Variants in TMEM71 observed in about 807,000 individuals in gnomAD.
TMEM71 encodes the protein transmembrane protein 71.
A neutral mutation model predicts 38.0 loss-of-function variants in TMEM71; 44 were observed. That is an observed-to-expected ratio of 1.16 (90% CI 0.91 to 1.49). TMEM71 has a LOEUF of 1.49. Among genes scored for constraint, TMEM71 ranks in the 40% most tolerant of loss-of-function variants. The pLI is 0.00. For missense variants in TMEM71, 367 were observed against 348.6 expected, an observed-to-expected ratio of 1.05 and a Z score of -0.42; for synonymous variants, 133 against 122.5, an observed-to-expected ratio of 1.09 and a Z score of -0.56.
intron 6 of TMEM71, among the ~76,000 whole-genome samples, chr8:132,725,679 A>G (rs927485145): frequency 1.2e-4 from 18 of 152,366 alleles, no homozygotes; most frequent in African/African-American, 4.1e-4. Context: ...TTCATAGCTT[A>G]GTGAGAAAGA....
At chr8:132,727,082 C>A (rs1288129879) in intron 6 of TMEM71, among the ~76,000 whole-genome samples, 3 of 151,670 alleles carry the variant, frequency 2.0e-5, no homozygotes, top group Non-Finnish European at 4.4e-5. Flanking sequence ...GCCTCAAACT[C>A]CTGACCTCAG....
chr8:132,758,199 G>A (rs1360487454), intron 2 of TMEM71: 7 of 152,192 alleles, frequency 4.6e-5, no homozygotes, highest in Non-Finnish European at 1.0e-4. Context: ...CCAAAGGCGT[G>A]GCAACAGACT....
Position 132,710,503 on chromosome 8 carries a change from A to T in TMEM71, c.*464T>A. 1 of 239,138 alleles carries T rather than the reference A, an allele frequency of 4.2e-6. No individual in the cohort carries two copies. 14.8% of individuals were successfully genotyped at this position (239,138 alleles called of 1,614,324 possible). On this transcript the variant is annotated 3_prime_UTR_variant, in exon 10 of 10. Coordinates refer to ENST00000677595, the MANE Select transcript of TMEM71 (RefSeq NM_001382403.1). ...TTATGTACAAATTGCATTTATTGTT[A>T]TTCAAGTTGTCAGGTTGGTATTAGT...
At chr8:132,731,465 A>G (rs1827449933) in intron 5 of TMEM71, among the ~76,000 whole-genome samples, 1 of 152,102 alleles carries the variant, frequency 6.6e-6, no homozygotes, top group South Asian at 2.1e-4. Context: ...CCATGAAGGG[A>G]CTCCTAAACC....
At chr8:132,761,753 A>G (rs947075695), upstream of TMEM71, among the ~76,000 whole-genome samples, 1 of 152,250 alleles carries the variant, frequency 6.6e-6, no homozygotes, top group Non-Finnish European at 1.5e-5. Flanking sequence ...TGAGGCTTCC[A>G]TCTTGTTGGA....
intron 3 of TMEM71, among the ~76,000 whole-genome samples, chr8:132,756,073 A>G (rs1490915511): frequency 6.6e-6 from 1 of 152,130 alleles, no homozygotes; most frequent in Non-Finnish European, 1.5e-5. Context: ...AAATGAATAT[A>G]TGATCTGTTT....
chr8:132,721,411 C>T (rs1009845011), intron 7 of TMEM71, among the ~76,000 whole-genome samples: 8 of 152,160 alleles, frequency 5.3e-5, no homozygotes, highest in Non-Finnish European at 1.2e-4. Context: ...GCTTTAAACT[C>T]CAGCTATACT....
intron 3 of TMEM71, among the ~76,000 whole-genome samples, chr8:132,754,831 A>G (rs1473505623): frequency 6.6e-6 from 1 of 152,230 alleles, no homozygotes; most frequent in African/African-American, 2.4e-5. Flanking sequence ...TGAATAGTAC[A>G]GGTAGAAATT....
intron 7 of TMEM71, among the ~76,000 whole-genome samples, chr8:132,718,704 C>T (rs1005170272): frequency 1.3e-5 from 2 of 152,162 alleles, no homozygotes; most frequent in Non-Finnish European, 2.9e-5. Context: ...GCCCCCCTAC[C>T]TGGGGATTTT....
chr8:132,706,957 A>G (rs998232784), downstream of TMEM71, among the ~76,000 whole-genome samples: 1 of 149,122 alleles, frequency 6.7e-6, no homozygotes, highest in East Asian at 1.9e-4. Context: ...ATTCAAAACA[A>G]AAAACGATTA....
At chr8:132,766,050 C>T in the TMEM71 span, among the ~76,000 whole-genome samples, 3 of 152,194 alleles carry the variant, frequency 2.0e-5, no homozygotes, top group South Asian at 4.1e-4. Context: ...TCCCAAAATG[C>T]TGGGATTACA....
At chr8:132,774,557 TAA>T in the TMEM71 span, among the ~76,000 whole-genome samples, 1 of 152,246 alleles carries the variant, frequency 6.6e-6, no homozygotes, top group Non-Finnish European at 1.5e-5. Flanking sequence ...AAGATAAATA[TAA>T]GTGACATTTG....
chr8:132,751,085 G>C (rs1022113178), intron 4 of TMEM71, among the ~76,000 whole-genome samples: 3 of 152,004 alleles, frequency 2.0e-5, no homozygotes, highest in African/African-American at 2.4e-5. Flanking sequence ...ATCTTTCTAA[G>C]AATAAATCTG....
chr8:132,767,102 G>A, the TMEM71 span, among the ~76,000 whole-genome samples: 6 of 152,206 alleles, frequency 3.9e-5, no homozygotes, highest in South Asian at 6.2e-4. Flanking sequence ...AATAGGGAAT[G>A]TTCCTTGATA....
chr8:132,764,288 T>TTGTGTGTGTG (rs5895159), upstream of TMEM71, among the ~76,000 whole-genome samples: 214 of 149,162 alleles, frequency 1.4e-3, 1 homozygote, highest in African/African-American at 5.0e-3. Context: ...AACTGGGAGG[T>TTGTGTGTGTG]TGTGTGTGTG....
chr8:132,743,589 C>T (rs1281447104), intron 5 of TMEM71, among the ~76,000 whole-genome samples: 1 of 152,126 alleles, frequency 6.6e-6, no homozygotes, highest in Non-Finnish European at 1.5e-5. Flanking sequence ...TGTTTGAGTT[C>T]ACAACATTCC....
downstream of TMEM71, among the ~76,000 whole-genome samples, chr8:132,708,459 A>G (rs1156313495): frequency 6.6e-6 from 1 of 152,200 alleles, no homozygotes; most frequent in African/African-American, 2.4e-5. Flanking sequence ...TTCATTATCT[A>G]TCACCATGTA....
Position 132,710,467 on chromosome 8 carries a change from A to T in TMEM71, c.*500T>A, listed in dbSNP as rs184255854. 5.6e-6 allele frequency: 1 copy of T among 179,910 alleles called. No homozygotes were observed. The allele number at this position is 179,910 out of a possible 1,614,324, so 11.1% of individuals were successfully genotyped here. ...ACTGAGGTGAATGACAAACTTTTGC[A>T]GCATTATATTTTATGTACAAATTGC... On this transcript the variant is annotated 3_prime_UTR_variant, in exon 10 of 10. Transcript: ENST00000677595.
chr8:132,768,857 G>A, the TMEM71 span, among the ~76,000 whole-genome samples: 2 of 152,246 alleles, frequency 1.3e-5, no homozygotes, highest in African/African-American at 4.8e-5. Flanking sequence ...TTGCTTTCTG[G>A]TCCTGGCCAA....
Sources: allele counts gnomAD v4.1 joint callset (sites outside exome capture counted in the v4.1 genomes callset), GRCh38; gene constraint gnomAD v4.1.1; transcripts MANE v1.5; gene names NCBI Gene and HGNC (gene_info 2026-07-23, HGNC 2026-07-21).